CAMK1: variants seen among roughly 807,000 people sequenced by gnomAD.
CAMK1 encodes calcium/calmodulin-dependent protein kinase type 1.
Under a neutral mutation model 49.1 loss-of-function variants are expected in CAMK1, and 39 were observed. The observed-to-expected ratio is 0.79, with a 90% confidence interval of 0.62 to 1.04. CAMK1 has a LOEUF of 1.04. Ranked by LOEUF, CAMK1 falls within the 50% of genes least tolerant of loss-of-function variation. The probability of loss-of-function intolerance (pLI) is 0.00; values close to 1 mark genes in which losing one functional copy is unlikely to be tolerated. For missense variants in CAMK1, 457 were observed against 472.2 expected (o/e 0.97, Z 0.30); for synonymous variants, 192 against 185.2 (o/e 1.04, Z -0.30).
Position 9,757,985 on chromosome 3 carries a change from C to T in CAMK1, c.913-139G>A. ...TTATTTTATTAATTCCCCTAAAGCC[C>T]CCCAAAAACCTCTACAAGGCTTTAT... On this transcript the variant is annotated intron_variant, in intron 10 of 11. Coordinates refer to ENST00000256460, the MANE Select transcript of CAMK1 (RefSeq NM_003656.5). The surrounding 1 kb of genome is among the most constrained non-coding windows in gnomAD (Gnocchi z 4.5). 7.2e-7 allele frequency: 1 copy of T among 1,395,628 alleles called. No individual in the cohort carries two copies. The highest frequency in any genetic ancestry group is 9.5e-7 in the Non-Finnish European group (1 of 1,055,060). The allele number at this position is 1,395,628 out of a possible 1,614,324, so 86.5% of individuals were successfully genotyped here.
chr3:9,768,644 C>G (rs1442831300), intron 1 of CAMK1, among the ~76,000 whole-genome samples: 1 of 152,196 alleles, frequency 6.6e-6, no homozygotes, highest in Non-Finnish European at 1.5e-5. Flanking sequence ...GCTGGTACTT[C>G]CAATATGAAG....
In CAMK1 at chr3:9,765,995, G is replaced by C. The variant is rs371693150; in HGVS notation, c.84-105C>G. On this transcript the variant is annotated intron_variant, in intron 2 of 11. Transcript: ENST00000256460. ...CTGTGACCACTGCTGGACCAAGGAC[G>C]TGGATGACCCTCCCCTAGTCACTCA... The C allele has an allele frequency of 2.5e-6, 4 of 1,614,062 alleles. No homozygotes were observed. The African/African-American group carries it at 5.3e-5, about 22-fold the overall frequency.
intron 8 of CAMK1, 144 bp from the exon 9 acceptor site, chr3:9,759,894 G>T: frequency 7.2e-7 from 1 of 1,395,736 alleles, no homozygotes; most frequent in Non-Finnish European, 9.8e-7. Context: ...CCCAACCTAT[G>T]CTCTTCTTCA....
rs1329392430 is a variant in CAMK1 at position 9,760,579 on chromosome 3, G to A, written c.745+77C>T. 5 of 1,472,254 alleles carry A rather than the reference G, an allele frequency of 3.4e-6. No individual in the cohort carries two copies. In the Admixed American group the frequency reaches 8.4e-5, roughly 25 times the overall value. 91.2% of individuals were successfully genotyped at this position (1,472,254 alleles called of 1,614,324 possible). ...GGAAAATCCGACAGAAGGAAGGCAG[G>A]AGGGAGACCGCCCCCAAAGCAGGTG... On this transcript the variant is annotated intron_variant, in intron 8 of 11. Coordinates refer to ENST00000256460, the MANE Select transcript of CAMK1 (RefSeq NM_003656.5).
rs368338181 is a variant in CAMK1 at position 9,762,902 on chromosome 3, C to G, written c.429+12G>C. 34 of 1,613,892 alleles carry G rather than the reference C, an allele frequency of 2.1e-5. No homozygotes were observed. The highest frequency in any genetic ancestry group is 2.8e-5 in the Non-Finnish European group (33 of 1,179,978). ...TGGGTACCCTAGCTCACCACACCCC[C>G]TTGAGCCCCACCTTGAGATCCCGGT... is the stretch of plus-strand genomic sequence containing the variant. On this transcript the variant is annotated intron_variant, in intron 5 of 11. Transcript: ENST00000256460.
Position 9,759,536 on chromosome 3 carries a change from C to G in CAMK1, c.864G>C (p.Gln288His), listed in dbSNP as rs1475100852. 1 of 1,614,174 alleles carries G rather than the reference C, an allele frequency of 6.2e-7. No individual in the cohort carries two copies. The highest frequency in any genetic ancestry group is 1.7e-5 in the Admixed American group (1 of 60,022). ...TCTTCTTGATCTGCTCACTCACCGA[C>G]TGGTGGATATTCTTATCTAGAGCTG... ...GDTALDKNIHQSVSEQIKKNF... is the reference protein window; with the variant it reads ...GDTALDKNIHHSVSEQIKKNF... The change falls in exon 10 of 12, where the codon CAG becomes CAC. Residue 288 changes from glutamine to histidine, a missense_variant. By Grantham distance (24) the Gln-to-His change is conservative. Coordinates refer to ENST00000256460, the MANE Select transcript of CAMK1 (RefSeq NM_003656.5).
rs149150905 is a variant in CAMK1, at chr3:9,762,430, G to T, written c.429+484C>A. 1,544 of 155,706 alleles carry T rather than the reference G, an allele frequency of 9.9e-3. 13 individuals carry two copies. Among genetic ancestry groups the T allele is most frequent in the Non-Finnish European group, 0.016 (1,158 of 70,310 alleles). 9.6% of individuals were successfully genotyped at this position (155,706 alleles called of 1,614,324 possible). ...CTCGCTCTGTCGCCCAGGCTGGCGTGCAATGGCACAATCTCAGCTTGCTGC... is the reference window on the plus strand; with the variant it reads ...CTCGCTCTGTCGCCCAGGCTGGCGTTCAATGGCACAATCTCAGCTTGCTGC... On this transcript the variant is annotated intron_variant, in intron 5 of 11. Coordinates refer to ENST00000256460, the MANE Select transcript of CAMK1 (RefSeq NM_003656.5).
chr3:9,769,631 C>T (rs1028269084), intron 1 of CAMK1, among the ~76,000 whole-genome samples: 2 of 152,220 alleles, frequency 1.3e-5, no homozygotes, highest in African/African-American at 4.8e-5. Context: ...CTCTATTACC[C>T]ACTCAGTGTC....
At chr3:9,768,543 T>C (rs1559707143) in intron 1 of CAMK1, among the ~76,000 whole-genome samples, 1 of 152,172 alleles carries the variant, frequency 6.6e-6, no homozygotes, top group Non-Finnish European at 1.5e-5. Flanking sequence ...AGGTTGGAGT[T>C]AGGTAGAGGC....
chr3:9,763,333 C>T, intron 3 of CAMK1, 120 bp from the exon 4 acceptor site: 5 of 1,254,678 alleles, frequency 4.0e-6, no homozygotes, highest in Non-Finnish European at 5.6e-6. Flanking sequence ...TTCAAAGCTG[C>T]AGTCTGTTAT....
chr3:9,766,371 T>C lies in CAMK1; in HGVS notation c.84-481A>G, dbSNP rs2078152607. 4.8e-6 allele frequency: 3 copies of C among 628,290 alleles called. No individual in the cohort carries two copies. The East Asian group carries it at 9.1e-5, about 19-fold the overall frequency. 38.9% of individuals were successfully genotyped at this position (628,290 alleles called of 1,614,324 possible). On this transcript the variant is annotated intron_variant, in intron 2 of 11. Coordinates refer to ENST00000256460, the MANE Select transcript of CAMK1 (RefSeq NM_003656.5). ...ACAGTTGGTTCATCCCTTTTTCTGC[T>C]AATTCGAGTCATGGCTAATTTAACA...
Position 9,767,822 on chromosome 3 carries a change from C to G in CAMK1, c.-32-41G>C, listed in dbSNP as rs1479195418. 4 of 1,588,016 alleles carry G rather than the reference C, an allele frequency of 2.5e-6. No homozygotes were observed. In the East Asian group the frequency reaches 6.8e-5, roughly 27 times the overall value. ...AAGGAGGAGACTCAGCAGAGCCCAG[C>G]CCTCTGTCTGGGAATTTACTGCAGG... On this transcript the variant is annotated intron_variant, in intron 1 of 11. Transcript: ENST00000256460.
chr3:9,760,579 G>T (rs1329392430), intron 8 of CAMK1, 77 bp downstream of exon 8: 1 of 1,472,254 alleles, frequency 6.8e-7, no homozygotes, highest in East Asian at 2.3e-5. Flanking sequence ...AGGAAGGCAG[G>T]AGGGAGACCG....
At position 9,767,737 on chromosome 3, in the gene CAMK1, C is replaced by A. The variant is rs561655780; in HGVS notation, c.13G>T (p.Val5Leu). 1.2e-6 allele frequency: 2 copies of A among 1,614,098 alleles called. No homozygotes were observed. Among genetic ancestry groups the A allele is most frequent in the East Asian group, 4.5e-5 (2 of 44,890 alleles). Reference sequence around the variant, plus strand: ...GCCTGCTTCCACCTGGGGCCTTCCACTGCCCCCAGCATGGCCCACTGCCCC... The same window carrying A: ...GCCTGCTTCCACCTGGGGCCTTCCAATGCCCCCAGCATGGCCCACTGCCCC... MLGA[V>L]EGPRWKQAED... The change falls in exon 2 of 12, where the codon GTG becomes TTG. Residue 5 changes from valine (V) to leucine (L), a missense_variant. Transcript: ENST00000256460.
In CAMK1 at chr3:9,762,991, C is replaced by T. The variant is rs755234937; in HGVS notation, c.352G>A (p.Ala118Thr). The T allele has an allele frequency of 6.2e-6, 10 of 1,614,028 alleles. No homozygotes were observed. Among genetic ancestry groups the T allele is most frequent in the African/African-American group, 1.3e-5 (1 of 74,906 alleles). Reference protein sequence around the residue: ...VEKGFYTERDASRLIFQVLDA... With the variant: ...VEKGFYTERDTSRLIFQVLDA... ...AGCACCTGGAAGATGAGGCGGCTGG[C>T]GTCCCGCTCCGTGTAGAAGCCTTTT... Residue 118 changes from alanine (A) to threonine (T), a missense_variant, in exon 5 of 12, where the codon GCC (alanine) becomes ACC (threonine). Ala to Thr is a moderately conservative substitution (Grantham distance 58). Coordinates refer to ENST00000256460, the MANE Select transcript of CAMK1 (RefSeq NM_003656.5).
Position 9,757,722 on chromosome 3 carries a change from T to C in CAMK1, c.1030+7A>G, listed in dbSNP as rs768729722. 1 of 1,614,046 alleles carries C rather than the reference T, an allele frequency of 6.2e-7. No homozygotes were observed. Among genetic ancestry groups the C allele is most frequent in the Admixed American group, 1.7e-5 (1 of 60,020 alleles). ...ACCCATGCCCTTCTGCAGAGCCCGC[T>C]CCTCACCCCCAGCCACTGGTGTCAG... On this transcript the variant is annotated splice_region_variant and intron_variant, in intron 11 of 11. Coordinates refer to ENST00000256460, the MANE Select transcript of CAMK1 (RefSeq NM_003656.5). The surrounding 1 kb of genome is among the most constrained non-coding windows in gnomAD (Gnocchi z 4.5).
At chr3:9,760,794 T>A in intron 7 of CAMK1, 26 bp from the exon 8 acceptor site, 2 of 1,613,434 alleles carry the variant, frequency 1.2e-6, no homozygotes, top group South Asian at 2.2e-5. Context: ...CTCATCCTCA[T>A]TTCCACTTTC....
intron 2 of CAMK1, 59 bp from the exon 3 acceptor site, chr3:9,765,949 C>G (rs2078133577): frequency 6.2e-7 from 1 of 1,614,098 alleles, no homozygotes; most frequent in Non-Finnish European, 8.5e-7. Context: ...CCTCCAGCCT[C>G]TCCTCCATTC....
At chr3:9,763,473 G>A (rs1279188446) in intron 3 of CAMK1, among the ~76,000 whole-genome samples, 1 of 150,796 alleles carries the variant, frequency 6.6e-6, no homozygotes, top group Non-Finnish European at 1.5e-5. Context: ...CCCGACCACT[G>A]CCTACATACC....
Sources: gnomAD v4.1 joint callset for allele counts (sites outside exome capture counted in the v4.1 genomes callset) on GRCh38, gnomAD v4.1.1 for gene constraint, Gnocchi (gnomAD v3.1) non-coding constraint, MANE v1.5 for transcripts, NCBI Gene and HGNC (gene_info 2026-07-23, HGNC 2026-07-21) for gene names.